SMARCD2: variants seen among roughly 807,000 people sequenced by gnomAD.
SMARCD2 encodes SWI/SNF-related matrix-associated actin-dependent regulator of chromatin subfamily D member 2.
SMARCD2 carries 39 observed loss-of-function variants against 70.4 expected under a neutral mutation model. The ratio of observed to expected loss-of-function variants is 0.55; its 90% CI spans 0.43 to 0.72. SMARCD2 has a LOEUF of 0.72. SMARCD2 is among the 30% of genes least tolerant of loss of function. The pLI is 0.00. For synonymous variants in SMARCD2, 249 were observed against 279.4 expected (o/e 0.89, Z 1.08); for missense variants, 540 against 713.4 (o/e 0.76, Z 2.77).
At chr17:63,838,666 C>A (rs1343624972) in intron 1 of SMARCD2, 2 of 1,459,558 alleles carry the variant, frequency 1.4e-6, no homozygotes, top group Non-Finnish European at 1.8e-6. Context: ...ACCTCCACCC[C>A]CACCCGCCTC....
Position 63,842,464 on chromosome 17 carries a change from A to T in SMARCD2, c.211T>A (p.Tyr71Asn). Residue 71 changes from tyrosine (Y) to asparagine (N), a missense_variant, in exon 1 of 13, where the codon TAC (tyrosine) becomes AAC (asparagine). By Grantham distance (143) the Tyr-to-Asn change is moderately radical. Transcript: ENST00000448276. ...CTCGCGTCCTCCTTGCTCACCTGGT[A>T]CTGCGCCGCGGGGCCCGCGGGGCCC... ...PMGPAGPAAQ[Y>N]QRPGMSPGNR... The T allele has an allele frequency of 7.8e-7, 1 of 1,285,996 alleles. No individual in the cohort carries two copies. Among genetic ancestry groups the T allele is most frequent in the Non-Finnish European group, 9.8e-7 (1 of 1,018,468 alleles). The allele number at this position is 1,285,996 out of a possible 1,614,324, so 79.7% of individuals were successfully genotyped here. A position where few individuals can be genotyped will look rare whatever the true frequency, so the allele number is the denominator to read the frequency against.
At chr17:63,840,192 G>A (rs1048262169) in intron 1 of SMARCD2, among the ~76,000 whole-genome samples, 1 of 151,650 alleles carries the variant, frequency 6.6e-6, no homozygotes. Context: ...GCAATCTGAG[G>A]TTTTTGTTAT....
chr17:63,841,581 G>A (rs1904464272), intron 1 of SMARCD2, among the ~76,000 whole-genome samples: 1 of 152,212 alleles, frequency 6.6e-6, no homozygotes, highest in South Asian at 2.1e-4. Flanking sequence ...GGGTCAGGCT[G>A]AGGTCCTCAC....
rs1217566844 is a variant in SMARCD2, at chr17:63,834,418, G to C, written c.921+56C>G. On this transcript the variant is annotated intron_variant, in intron 7 of 12. Coordinates refer to ENST00000448276, the MANE Select transcript of SMARCD2 (RefSeq NM_001098426.2). The surrounding 1 kb of genome is among the most constrained non-coding windows in gnomAD (Gnocchi z 5.6). ...GGACAGGAAGGGTTTCTAGGAACCAGCTCCCCTCCTGAGGGGTCCCTGTGG... is the reference window on the plus strand; with the variant it reads ...GGACAGGAAGGGTTTCTAGGAACCACCTCCCCTCCTGAGGGGTCCCTGTGG... 3.9e-6 allele frequency: 6 copies of C among 1,558,116 alleles called. No individual in the cohort carries two copies. In the African/African-American group the frequency reaches 4.1e-5, roughly 11 times the overall value.
In SMARCD2 at chr17:63,834,808, T is replaced by C. The variant is rs1364724322; in HGVS notation, c.724-8A>G. ...CCTCTTCTGTTTGCTAGGCTGGGGATGGAAAGGGGTGTGAGATGGTGCTGC... is the reference window on the plus strand; with the variant it reads ...CCTCTTCTGTTTGCTAGGCTGGGGACGGAAAGGGGTGTGAGATGGTGCTGC... On this transcript the variant is annotated splice_polypyrimidine_tract_variant and splice_region_variant and intron_variant, in intron 5 of 12. Coordinates refer to ENST00000448276, the MANE Select transcript of SMARCD2 (RefSeq NM_001098426.2). This position sits in a 1 kb window ranked among gnomAD's most constrained non-coding sequence, Gnocchi z 5.6. The C allele has an allele frequency of 1.3e-6, 2 of 1,584,008 alleles. No individual in the cohort carries two copies. Among genetic ancestry groups the C allele is most frequent in the African/African-American group, 1.3e-5 (1 of 74,270 alleles).
Position 63,834,211 on chromosome 17 carries a change from C to T in SMARCD2, c.1039G>A (p.Gly347Arg), listed in dbSNP as rs1055696631. The T allele has an allele frequency of 6.2e-7, 1 of 1,608,088 alleles. No homozygotes were observed. The highest frequency in any genetic ancestry group is 1.3e-5 in the African/African-American group (1 of 74,822). The change falls in exon 8 of 13, where the codon GGG becomes AGG. Residue 347 changes from glycine to arginine, a missense_variant. By Grantham distance (125) the Gly-to-Arg change is moderately radical. Transcript: ENST00000448276. This position sits in a 1 kb window ranked among gnomAD's most constrained non-coding sequence, Gnocchi z 5.6. ...LYIKHNQLQD[G>R]HEREYINCNR... is the part of the protein sequence containing the mutation. The stretch of plus-strand genomic sequence containing the variant: ...CAGTTGATGTACTCCCGCTCGTGCC[C>T]ATCCTGCAGCTGGTTGTGCTTGATG...
At position 63,837,319 on chromosome 17, in the gene SMARCD2, G is replaced by A; in HGVS notation, c.402-82C>T. The A allele has an allele frequency of 6.5e-7, 1 of 1,534,752 alleles. No individual in the cohort carries two copies. Among genetic ancestry groups the A allele is most frequent in the Non-Finnish European group, 9.0e-7 (1 of 1,107,966 alleles). ...CCCATAACGCCCCTCCAGTCTCCAG[G>A]ACCCTCTCCCCCAGGAGAGCCTGGA... is the stretch of plus-strand genomic sequence containing the variant. On this transcript the variant is annotated intron_variant, in intron 2 of 12. Transcript: ENST00000448276. This position sits in a 1 kb window ranked among gnomAD's most constrained non-coding sequence, Gnocchi z 6.4.
Position 63,834,756 on chromosome 17 carries a change from G to A in SMARCD2, c.768C>T (p.Leu256=), listed in dbSNP as rs890776950. The change falls in exon 6 of 13, where the codon CTC becomes CTT. Residue 256 remains leucine (L), a synonymous_variant. Transcript: ENST00000448276. The surrounding 1 kb of genome is among the most constrained non-coding windows in gnomAD (Gnocchi z 5.6). ...ACAGCTCCTTGTCCAGCTCAATGACGAGGCTCTTAAAGAATGAAGAAAACT... is the reference window on the plus strand; with the variant it reads ...ACAGCTCCTTGTCCAGCTCAATGACAAGGCTCTTAAAGAATGAAGAAAACT... ...KRKFSSFFKS[L]VIELDKELYG... is the part of the protein sequence containing the mutation. The A allele has an allele frequency of 1.1e-5, 18 of 1,613,772 alleles. No individual in the cohort carries two copies. Among genetic ancestry groups the A allele is most frequent in the Admixed American group, 8.3e-5 (5 of 60,012 alleles).
At position 63,842,513 on chromosome 17, in the gene SMARCD2, G is replaced by C. The variant is rs1177534721; in HGVS notation, c.162C>G (p.Pro54=). 1.6e-6 allele frequency: 2 copies of C among 1,228,940 alleles called. No homozygotes were observed. Among genetic ancestry groups the C allele is most frequent in the Non-Finnish European group, 2.0e-6 (2 of 987,994 alleles). 76.1% of individuals were successfully genotyped at this position (1,228,940 alleles called of 1,614,324 possible). Residue 54 remains proline, a synonymous_variant, in exon 1 of 13, where the codon CCC becomes CCG. Coordinates refer to ENST00000448276, the MANE Select transcript of SMARCD2 (RefSeq NM_001098426.2). The part of the protein sequence containing the change: ...GPGPAGGVGG[P]GAAAFRPMGP... ...CCATGGGGCGGAAGGCGGCGGCCCCGGGGCCCCCCACGCCTCCTGCCGGAC... is the reference window on the plus strand; with the variant it reads ...CCATGGGGCGGAAGGCGGCGGCCCCCGGGCCCCCCACGCCTCCTGCCGGAC...
chr17:63,835,571 AAG>A lies in SMARCD2; in HGVS notation c.568-6_568-5del. Reference sequence around the variant, plus strand: ...AGATCCGAAGCTTTCGCTTTTGCTAAAGAGAGAAAGGCAATCACAACTGGAGG... The same window carrying A: ...AGATCCGAAGCTTTCGCTTTTGCTAAAGAGAAAGGCAATCACAACTGGAGG... On this transcript the variant is annotated splice_region_variant and splice_polypyrimidine_tract_variant and intron_variant, in intron 4 of 12. Coordinates refer to ENST00000448276, the MANE Select transcript of SMARCD2 (RefSeq NM_001098426.2). The A allele has an allele frequency of 6.2e-7, 1 of 1,613,600 alleles. No individual in the cohort carries two copies.
chr17:63,833,129 T>C lies in SMARCD2; in HGVS notation c.1482A>G (p.Arg494=). ...CCCAGGGCTGGTGGTAGAAAGCAGC[T>C]CGTCTCTCCTCCTCAGGATTTCCAA... The part of the protein sequence containing the change: ...DVIGNPEEER[R]AAFYHQPWAQ... Residue 494 remains arginine, a synonymous_variant, in exon 12 of 13, where the codon CGA becomes CGG. Transcript: ENST00000448276. This position sits in a 1 kb window ranked among gnomAD's most constrained non-coding sequence, Gnocchi z 4.3. 1.2e-6 allele frequency: 2 copies of C among 1,607,640 alleles called. No individual in the cohort carries two copies. Among genetic ancestry groups the C allele is most frequent in the Non-Finnish European group, 8.5e-7 (1 of 1,177,032 alleles).
Position 63,832,233 on chromosome 17 carries a change from C to T in SMARCD2, c.*705G>A. ...TTACCCTGGCCTCCACATGCACATA[C>T]CCCATACCTCAGGCCATGCTAGAGA... On this transcript the variant is annotated 3_prime_UTR_variant, in exon 13 of 13. Coordinates refer to ENST00000448276, the MANE Select transcript of SMARCD2 (RefSeq NM_001098426.2). 3 of 534,824 alleles carry T rather than the reference C, an allele frequency of 5.6e-6. No homozygotes were observed. The highest frequency in any genetic ancestry group is 1.0e-5 in the Non-Finnish European group (3 of 295,726). The allele number at this position is 534,824 out of a possible 1,614,324, so 33.1% of individuals were successfully genotyped here. A position where few individuals can be genotyped will look rare whatever the true frequency, so the allele number is the denominator to read the frequency against.
In SMARCD2 at chr17:63,835,471, G is replaced by C; in HGVS notation, c.664C>G (p.Pro222Ala). 1 of 1,613,902 alleles carries C rather than the reference G, an allele frequency of 6.2e-7. No homozygotes were observed. Among genetic ancestry groups the C allele is most frequent in the Non-Finnish European group, 8.5e-7 (1 of 1,179,824 alleles). Residue 222 changes from proline to alanine, a missense_variant, in exon 5 of 13, where the codon CCA becomes GCA. By Grantham distance (27) the Pro-to-Ala change is conservative. Coordinates refer to ENST00000448276, the MANE Select transcript of SMARCD2 (RefSeq NM_001098426.2). ...AGTAGTPGGT[P>A]AGDKVASWEL... ...CAGGAAGCCACCTTGTCCCCTGCTG[G>C]GGTTCCCCCAGGGGTCCCTGCAGTT... is the stretch of plus-strand genomic sequence containing the variant.
At position 63,832,241 on chromosome 17, in the gene SMARCD2, C is replaced by T. The variant is rs1248899233; in HGVS notation, c.*697G>A. ...GCCTCCACATGCACATACCCCATACCTCAGGCCATGCTAGAGAACTGGAGT... is the reference window on the plus strand; with the variant it reads ...GCCTCCACATGCACATACCCCATACTTCAGGCCATGCTAGAGAACTGGAGT... On this transcript the variant is annotated 3_prime_UTR_variant, in exon 13 of 13. Transcript: ENST00000448276. 1.9e-6 allele frequency: 1 copy of T among 515,742 alleles called. No individual in the cohort carries two copies. The highest frequency in any genetic ancestry group is 3.5e-6 in the Non-Finnish European group (1 of 284,052). The allele number at this position is 515,742 out of a possible 1,614,324, so 31.9% of individuals were successfully genotyped here. A position where few individuals can be genotyped will look rare whatever the true frequency, so the allele number is the denominator to read the frequency against.
intron 4 of SMARCD2, 36 bp downstream of exon 4, chr17:63,836,886 C>A: frequency 6.3e-7 from 1 of 1,587,980 alleles, no homozygotes; most frequent in East Asian, 2.3e-5. Context: ...GGCAAGGAAA[C>A]CTGGGAAGGC....
Position 63,834,776 on chromosome 17 carries a change from A to G in SMARCD2, c.748T>C (p.Ser250Pro). The G allele has an allele frequency of 6.2e-7, 1 of 1,613,544 alleles. No individual in the cohort carries two copies. Among genetic ancestry groups the G allele is most frequent in the Non-Finnish European group, 8.5e-7 (1 of 1,179,432 alleles). ...ATGACGAGGCTCTTAAAGAATGAAG[A>G]AAACTTCCTCTTCTGTTTGCTAGGC... is the stretch of plus-strand genomic sequence containing the variant. The part of the protein sequence containing the change: ...DDPSKQKRKF[S>P]SFFKSLVIEL... The change falls in exon 6 of 13, where the codon TCT becomes CCT. Residue 250 changes from serine to proline, a missense_variant. By Grantham distance (74) the Ser-to-Pro change is moderately conservative. Coordinates refer to ENST00000448276, the MANE Select transcript of SMARCD2 (RefSeq NM_001098426.2). This position sits in a 1 kb window ranked among gnomAD's most constrained non-coding sequence, Gnocchi z 5.6.
chr17:63,836,028 C>A (rs760720091), intron 4 of SMARCD2, among the ~76,000 whole-genome samples: 1 of 151,960 alleles, frequency 6.6e-6, no homozygotes, highest in Non-Finnish European at 1.5e-5. Context: ...CGCACCTGGC[C>A]GGAACTCACC....
chr17:63,834,385 T>C lies in SMARCD2; in HGVS notation c.922-57A>G, dbSNP rs776480049. The C allele has an allele frequency of 1.3e-6, 2 of 1,583,456 alleles. No homozygotes were observed. The highest frequency in any genetic ancestry group is 1.3e-5 in the African/African-American group (1 of 74,152). On this transcript the variant is annotated intron_variant, in intron 7 of 12. Transcript: ENST00000448276. This position sits in a 1 kb window ranked among gnomAD's most constrained non-coding sequence, Gnocchi z 5.6. The stretch of plus-strand genomic sequence containing the variant: ...TTCTTATAGTAGAACAGTGGGAAAA[T>C]AGGGCAGGGACAGGAAGGGTTTCTA...
intron 1 of SMARCD2, among the ~76,000 whole-genome samples, chr17:63,840,256 A>AACTCC (rs1232304579): frequency 6.6e-6 from 1 of 151,744 alleles, no homozygotes; most frequent in East Asian, 1.9e-4. Flanking sequence ...TGCAGCCTTG[A>AACTCC]ACTCCTGGAC....
Sources: allele counts gnomAD v4.1 joint callset (sites outside exome capture counted in the v4.1 genomes callset), GRCh38; gene constraint gnomAD v4.1.1; non-coding constraint Gnocchi (gnomAD v3.1); transcripts MANE v1.5; gene names NCBI Gene and HGNC (gene_info 2026-07-23, HGNC 2026-07-21).